Variants in PTCH1 observed in about 807,000 individuals in gnomAD.
PTCH1 encodes protein patched homolog 1.
PTCH1 carries 14 observed loss-of-function variants against 144.6 expected under a neutral mutation model. The ratio of observed to expected loss-of-function variants is 0.10; its 90% CI spans 0.06 to 0.15. The LOEUF (loss-of-function observed/expected upper bound fraction) is 0.15. Among genes scored for constraint, PTCH1 ranks in the 10% least tolerant of loss-of-function variants. The pLI is 1.00. For missense variants in PTCH1, 1,623 were observed against 1,948.3 expected, an observed-to-expected ratio of 0.83 and a Z score of 3.14; for synonymous variants, 833 against 793.6, an observed-to-expected ratio of 1.05 and a Z score of -0.83.
At chr9:95,475,389 TGA>T (rs1452938447) in intron 12 of PTCH1, among the ~76,000 whole-genome samples, 3 of 151,924 alleles carry the variant, frequency 2.0e-5, no homozygotes, top group South Asian at 2.1e-4. Flanking sequence ...TTGGGCAGCC[TGA>T]GAGGGGAGCA....
chr9:95,507,309 A>T (rs1261892158), intron 1 of PTCH1: 1 of 985,342 alleles, frequency 1.0e-6, no homozygotes, highest in East Asian at 1.1e-4. Flanking sequence ...CGTAAAAAAC[A>T]GCCGAGTGCA....
At chr9:95,446,455 A>G in intron 23 of PTCH1, 64 bp from the exon 24 acceptor site, 1 of 515,050 alleles carries the variant, frequency 1.9e-6, no homozygotes, top group Non-Finnish European at 3.9e-6. Context: ...GTATTTATAA[A>G]GTACAAAAGC....
chr9:95,498,232 G>A (rs28457763), intron 2 of PTCH1, among the ~76,000 whole-genome samples: 55,991 of 151,972 alleles, frequency 0.37, 11,000 homozygotes, highest in African/African-American at 0.49. Context: ...TAAAGCTTGC[G>A]CTGTGGTATG....
chr9:95,467,918 T>C (rs1213062532), intron 14 of PTCH1, among the ~76,000 whole-genome samples: 1 of 151,648 alleles, frequency 6.6e-6, no homozygotes, highest in Non-Finnish European at 1.5e-5. Context: ...TGTTTTGTTA[T>C]GTATCTGAGT....
chr9:95,465,378 T>C (rs112064033), intron 15 of PTCH1, among the ~76,000 whole-genome samples: 16 of 152,264 alleles, frequency 1.1e-4, no homozygotes, highest in Non-Finnish European at 2.4e-4. Flanking sequence ...GGGGGGAAAA[T>C]GAAAGCAGGG....
At chr9:95,448,730 G>GGA (rs112879486) in intron 22 of PTCH1, among the ~76,000 whole-genome samples, 5 of 134,944 alleles carry the variant, frequency 3.7e-5, no homozygotes, top group African/African-American at 1.4e-4. Context: ...ACCTTAAGAG[G>GGA]AAAAAAAAAA....
chr9:95,505,466 G>A lies in PTCH1; in HGVS notation c.394+941C>T, dbSNP rs189728957. ...GCGGGGGAAAAAAATTGAAACCTTT[G>A]TCACCAAAATAATGTAAAAATGTTT... On this transcript the variant is annotated intron_variant, in intron 2 of 23. Transcript: ENST00000331920. Among the ~76,000 whole-genome samples, 28 of 152,206 alleles carry A rather than the reference G, an allele frequency of 1.8e-4. No individual in the cohort carries two copies. The East Asian group carries it at 5.4e-3, about 29-fold the overall frequency.
intron 2 of PTCH1, among the ~76,000 whole-genome samples, chr9:95,502,974 T>C (rs1843260082): frequency 6.6e-6 from 1 of 152,260 alleles, no homozygotes; most frequent in East Asian, 1.9e-4. Context: ...TAAGACAATG[T>C]GCATACACAC....
rs1336580060 is a variant in PTCH1, at chr9:95,458,759, C to A, written c.2888-466G>T. 1.3e-5 allele frequency among the ~76,000 whole-genome samples: 2 copies of A among 152,252 alleles called. No individual in the cohort carries two copies. Among genetic ancestry groups the A allele is most frequent in the Admixed American group, 1.3e-4 (2 of 15,286 alleles). ...TTCTAATGCAATGCTAAGTCTTCAG[C>A]AACAGGGGAAGAAATCCTTACACAA... is the stretch of plus-strand genomic sequence containing the variant. On this transcript the variant is annotated intron_variant, in intron 17 of 23. Transcript: ENST00000331920. This position sits in a 1 kb window ranked among gnomAD's most constrained non-coding sequence, Gnocchi z 4.7.
intron 3 of PTCH1, chr9:95,484,155 TAAGA>T (rs1431165301): frequency 2.6e-5 from 4 of 152,200 alleles, no homozygotes; most frequent in Admixed American, 6.5e-5. Flanking sequence ...TGACAAACAC[TAAGA>T]ATGCATTGGC....
At chr9:95,471,218 C>T (rs1031715573) in intron 12 of PTCH1, among the ~76,000 whole-genome samples, 2 of 152,198 alleles carry the variant, frequency 1.3e-5, no homozygotes, top group Admixed American at 6.5e-5. Flanking sequence ...CCACCTAACA[C>T]AATCCAGGGA....
chr9:95,461,746 C>T, intron 16 of PTCH1, 110 bp downstream of exon 16: 1 of 1,457,102 alleles, frequency 6.9e-7, no homozygotes, highest in Non-Finnish European at 9.4e-7. Context: ...CTCCCAGTGC[C>T]TTAGGTCTCC....
Position 95,506,515 on chromosome 9 carries a change from T to C in PTCH1, c.286A>G (p.Lys96Glu), listed in dbSNP as rs532713234. The C allele has an allele frequency of 1.9e-6, 3 of 1,613,784 alleles. No individual in the cohort carries two copies. The highest frequency in any genetic ancestry group is 1.3e-5 in the African/African-American group (1 of 75,040). The change falls in exon 2 of 24, where the codon AAA becomes GAA. Residue 96 changes from lysine (K) to glutamate (E), a missense_variant. Lys to Glu is a moderately conservative substitution (Grantham distance 56). This residue lies in a region of PTCH1 where 245 missense variants were observed against 240.6 expected (regional missense o/e 1.02). Transcript: ENST00000331920. ...ACAACCAAGAACTTGCCGCAGTTTT[T>C]TTGAATGTAACAACCCAGTTTAAAT... ...LLFKLGCYIQ[K>E]NCGKFLVVGL...
In PTCH1 at chr9:95,504,562, G is replaced by A. The variant is rs148941363; in HGVS notation, c.394+1845C>T. 3.0e-4 allele frequency among the ~76,000 whole-genome samples: 46 copies of A among 152,146 alleles called. No individual in the cohort carries two copies. The East Asian group carries it at 5.0e-3, about 17-fold the overall frequency. Reference sequence around the variant, plus strand: ...ATGAGCCGGCCCTCCCTGTGCTCATGCCCTATTCTGTCCAAGAATCTACGG... The same window carrying A: ...ATGAGCCGGCCCTCCCTGTGCTCATACCCTATTCTGTCCAAGAATCTACGG... On this transcript the variant is annotated intron_variant, in intron 2 of 23. Coordinates refer to ENST00000331920, the MANE Select transcript of PTCH1 (RefSeq NM_000264.5).
intron 5 of PTCH1, 95 bp downstream of exon 5, chr9:95,481,854 T>C (rs745585532): frequency 1.7e-4 from 202 of 1,188,480 alleles, no homozygotes; most frequent in Non-Finnish European, 2.2e-4. Flanking sequence ...TATTTCTTGT[T>C]CAAAACTGAA....
Position 95,461,556 on chromosome 9 carries a change from A to G in PTCH1, c.2703+300T>C, listed in dbSNP as rs78848569. ...AAGAATCACACGCCGCTGCATTTCTAACATTGGAAAGAGCCTGCACTCTCT... is the reference window on the plus strand; with the variant it reads ...AAGAATCACACGCCGCTGCATTTCTGACATTGGAAAGAGCCTGCACTCTCT... On this transcript the variant is annotated intron_variant, in intron 16 of 23. Transcript: ENST00000331920. 1.6e-4 allele frequency among the ~76,000 whole-genome samples: 24 copies of G among 152,304 alleles called. No individual in the cohort carries two copies. In the East Asian group the frequency reaches 4.6e-3, roughly 29 times the overall value.
upstream of PTCH1, among the ~76,000 whole-genome samples, chr9:95,512,919 TA>T (rs148972488): frequency 2.3e-3 from 344 of 152,324 alleles, 4 homozygotes; most frequent in African/African-American, 7.8e-3. Context: ...CCTTTCCAAG[TA>T]AAGTTCATCT....
At chr9:95,462,089 A>C in intron 15 of PTCH1, 91 bp from the exon 16 acceptor site, 1 of 1,468,202 alleles carries the variant, frequency 6.8e-7, no homozygotes, top group East Asian at 2.3e-5. Context: ...TGAGCAGGGC[A>C]GGGGGCTCTT....
At chr9:95,461,647 G>A (rs1449808079) in intron 16 of PTCH1, among the ~76,000 whole-genome samples, 1 of 152,222 alleles carries the variant, frequency 6.6e-6, no homozygotes, top group African/African-American at 2.4e-5. Context: ...TGACAGATGA[G>A]GAAAGTGAGG....
Sources: gnomAD v4.1 joint callset for allele counts (sites outside exome capture counted in the v4.1 genomes callset) on GRCh38, gnomAD v4.1.1 for gene constraint, gnomAD v4.1.1 regional missense constraint, Gnocchi (gnomAD v3.1) non-coding constraint, MANE v1.5 for transcripts, NCBI Gene and HGNC (gene_info 2026-07-23, HGNC 2026-07-21) for gene names.